The following NFILZ variants were observed in gnomAD, a reference collection of about 807,000 sequenced individuals.
NFILZ encodes the protein NFIL3 like protein.
intron 3 of NFILZ, among the ~76,000 whole-genome samples, chr19:8,652,918 TCTC>T (rs1249577612): frequency 1.4e-5 from 2 of 142,338 alleles, no homozygotes; most frequent in African/African-American, 5.1e-5. Flanking sequence ...CTTCTCTCTC[TCTC>T]TTCTCTCTCT....
At chr19:8,647,957 G>T (rs1268921954) in intron 3 of NFILZ, among the ~76,000 whole-genome samples, 2 of 151,796 alleles carry the variant, frequency 1.3e-5, no homozygotes, top group Non-Finnish European at 2.9e-5. Context: ...TGGATCACGA[G>T]ATCAGGAGAT....
intron 3 of NFILZ, among the ~76,000 whole-genome samples, chr19:8,653,058 C>T (rs1172612554): frequency 0.036 from 3,910 of 108,708 alleles, 166 homozygotes; most frequent in East Asian, 0.095. Context: ...CTCTCTCTCT[C>T]TCTCTCTCTC....
At chr19:8,670,879 C>G (rs2043083395) in intron 3 of NFILZ, among the ~76,000 whole-genome samples, 2 of 151,804 alleles carry the variant, frequency 1.3e-5, no homozygotes. Context: ...TCTGTAATCC[C>G]AGCTACTCGG....
At chr19:8,639,904 A>T (rs1026671317) in intron 3 of NFILZ, among the ~76,000 whole-genome samples, 6 of 152,146 alleles carry the variant, frequency 3.9e-5, no homozygotes, top group African/African-American at 1.2e-4. Context: ...AACACTATTT[A>T]AAAAACCCTG....
At chr19:8,667,296 GTTCCATCTC>G (rs2043066644) in intron 3 of NFILZ, among the ~76,000 whole-genome samples, 1 of 152,184 alleles carries the variant, frequency 6.6e-6, no homozygotes, top group Non-Finnish European at 1.5e-5. Context: ...CCAAGCTCTA[GTTCCATCTC>G]TGCCACTAAA....
chr19:8,659,781 T>C (rs2043021352), intron 3 of NFILZ, among the ~76,000 whole-genome samples: 1 of 152,066 alleles, frequency 6.6e-6, no homozygotes, highest in South Asian at 2.1e-4. Flanking sequence ...TCCCCACGGA[T>C]GAAGCTCTGG....
intron 3 of NFILZ, among the ~76,000 whole-genome samples, chr19:8,638,150 T>G (rs918008483): frequency 1.3e-4 from 20 of 152,006 alleles, no homozygotes; most frequent in Admixed American, 5.3e-4. Flanking sequence ...TGGAAAGAAT[T>G]GGGCACAGGC....
chr19:8,655,158 A>G (rs2042986596), intron 3 of NFILZ, among the ~76,000 whole-genome samples: 1 of 152,184 alleles, frequency 6.6e-6, no homozygotes, highest in African/African-American at 2.4e-5. Context: ...TGTCCAAGAA[A>G]AGTTCAGGGC....
chr19:8,674,132 G>A (rs1301684692), intron 3 of NFILZ, among the ~76,000 whole-genome samples: 6 of 152,246 alleles, frequency 3.9e-5, no homozygotes, highest in South Asian at 2.1e-4. Context: ...GAGCCACCGC[G>A]CTTGGCCTTA....
intron 3 of NFILZ, among the ~76,000 whole-genome samples, chr19:8,653,025 T>TTTCC (rs2042974556): frequency 1.5e-5 from 1 of 65,020 alleles, no homozygotes; most frequent in East Asian, 3.6e-4. Flanking sequence ...TCTTTCTTTC[T>TTTCC]TTCTTTCTTT....
chr19:8,634,075 G>A (rs1464734409), intron 2 of NFILZ, among the ~76,000 whole-genome samples: 2 of 150,768 alleles, frequency 1.3e-5, no homozygotes, highest in Non-Finnish European at 3.0e-5. Flanking sequence ...TCGGCTCATT[G>A]CAACCTCCAC....
intron 3 of NFILZ, among the ~76,000 whole-genome samples, chr19:8,647,780 C>CGCGCGT (rs1247241680): frequency 1.5e-5 from 1 of 68,110 alleles, no homozygotes; most frequent in African/African-American, 6.2e-5. Context: ...CGCACACATG[C>CGCGCGT]GCGCGCGCGC....
intron 1 of NFILZ, among the ~76,000 whole-genome samples, chr19:8,631,871 GT>G (rs1252467782): frequency 7.7e-6 from 1 of 130,520 alleles, no homozygotes; most frequent in East Asian, 2.5e-4. Context: ...TGTGTGTTTT[GT>G]TTGTTTGTTT....
rs114590327 is a variant in NFILZ at position 8,678,556 on chromosome 19, C to T, written c.*921C>T. On this transcript the variant is annotated 3_prime_UTR_variant, in exon 6 of 6. Coordinates refer to ENST00000691075, the MANE Select transcript of NFILZ (RefSeq NM_001378600.1). ...TACATCAATTTATTCTCCATCCATC[C>T]ATCCATCCTCATCCATTCCCATTCA... is the stretch of plus-strand genomic sequence containing the variant. 6.5e-3 allele frequency among the ~76,000 whole-genome samples: 985 copies of T among 151,816 alleles called. 14 individuals carry two copies. The highest frequency in any genetic ancestry group is 0.022 in the African/African-American group (926 of 41,402).
Position 8,666,929 on chromosome 19 carries a change from T to C in NFILZ, c.-163-7622T>C, listed in dbSNP as rs957695938. Among the ~76,000 whole-genome samples, 13 of 151,488 alleles carry C rather than the reference T, an allele frequency of 8.6e-5. 1 individual carries two copies. In the East Asian group the frequency reaches 2.3e-3, roughly 27 times the overall value. The stretch of plus-strand genomic sequence containing the variant: ...TTTGAAAACTTTTTTTTTTTTTTTT[T>C]TGTAGAGACAGGGTTTTGCCACATT... On this transcript the variant is annotated intron_variant, in intron 3 of 5. Transcript: ENST00000691075.
intron 3 of NFILZ, among the ~76,000 whole-genome samples, chr19:8,656,341 A>AC (rs1600147400): frequency 0.02 from 580 of 29,312 alleles, 4 homozygotes; most frequent in Non-Finnish European, 0.034. Flanking sequence ...CTTCTTCCTG[A>AC]AGCCCACCTC....
intron 2 of NFILZ, among the ~76,000 whole-genome samples, chr19:8,633,943 CTTCCCTCCCTTCT>C (rs1555745836): frequency 3.5e-5 from 5 of 143,528 alleles, no homozygotes; most frequent in African/African-American, 1.3e-4. Context: ...TCCTTCCTTC[CTTCCCTCCCTTCT>C]TTCCTTCTCT....
chr19:8,633,996 T>G (rs1159714502), intron 2 of NFILZ, among the ~76,000 whole-genome samples: 1 of 150,480 alleles, frequency 6.6e-6, no homozygotes, highest in Non-Finnish European at 1.5e-5. Context: ...TTGCTTGCTT[T>G]CTTGTTTCCT....
chr19:8,666,464 C>T (rs782781367), intron 3 of NFILZ, among the ~76,000 whole-genome samples: 12 of 151,858 alleles, frequency 7.9e-5, no homozygotes, highest in South Asian at 6.2e-4. Context: ...TGTGCGCCAC[C>T]GTGCCCAGCC....
Sources: gnomAD v4.1 joint callset for allele counts (sites outside exome capture counted in the v4.1 genomes callset) on GRCh38, gnomAD v4.1.1 for gene constraint, MANE v1.5 for transcripts, NCBI Gene and HGNC (gene_info 2026-07-23, HGNC 2026-07-21) for gene names.